ACAN: variants seen among roughly 807,000 people sequenced by gnomAD.
ACAN encodes aggrecan core protein.
ACAN carries 47 observed loss-of-function variants against 169.1 expected under a neutral mutation model. That is an observed-to-expected ratio of 0.28 (90% CI 0.22 to 0.35). The LOEUF (loss-of-function observed/expected upper bound fraction) is 0.35, where lower values mean the gene tolerates loss of function less well. ACAN is among the 10% of genes least tolerant of loss of function. The pLI, the probability that ACAN is intolerant of heterozygous loss-of-function variation, is 1.00. For missense variants in ACAN, 2,716 were observed against 2,759.9 expected (o/e 0.98, Z 0.36); for synonymous variants, 1,115 against 1,112.2 (o/e 1.00, Z -0.05).
In ACAN at chr15:88,840,191, G is replaced by T; in HGVS notation, c.629+5G>T. 1 of 1,587,284 alleles carries T rather than the reference G, an allele frequency of 6.3e-7. No homozygotes were observed. On this transcript the variant is annotated splice_donor_5th_base_variant and intron_variant, in intron 4 of 18. Transcript: ENST00000560601. Reference sequence around the variant, plus strand: ...GCTGGCTGACCAGACTGTCAGGTGAGCCCTAGCCCATCAGCTAGTGGGGGC... The same window carrying T: ...GCTGGCTGACCAGACTGTCAGGTGATCCCTAGCCCATCAGCTAGTGGGGGC...
intron 1 of ACAN, among the ~76,000 whole-genome samples, chr15:88,823,105 G>A (rs193117944): frequency 4.3e-4 from 65 of 152,328 alleles, no homozygotes; most frequent in African/African-American, 1.3e-3. Flanking sequence ...CACACAGGGA[G>A]GCTACTGAAG....
In ACAN at chr15:88,814,782, G is replaced by A. The variant is rs1895899232; in HGVS notation, c.-8+10973G>A. Reference sequence around the variant, plus strand: ...GAACTCCTCTTCAGGTGTCATAGCTGCTAGCCAGCATGTCCATGCTATCAG... The same window carrying A: ...GAACTCCTCTTCAGGTGTCATAGCTACTAGCCAGCATGTCCATGCTATCAG... On this transcript the variant is annotated intron_variant, in intron 1 of 18. Transcript: ENST00000560601. This position sits in a 1 kb window ranked among gnomAD's most constrained non-coding sequence, Gnocchi z 4.0. Among the ~76,000 whole-genome samples the A allele has an allele frequency of 6.6e-6, 1 of 152,200 alleles. No homozygotes were observed. Among genetic ancestry groups the A allele is most frequent in the Non-Finnish European group, 1.5e-5 (1 of 68,036 alleles).
chr15:88,803,873 C>T (rs1197179012), intron 1 of ACAN, 64 bp downstream of exon 1: 1 of 152,406 alleles, frequency 6.6e-6, no homozygotes, highest in Non-Finnish European at 1.5e-5. Context: ...AGGAACGGGA[C>T]TGAGACTGCA....
intron 1 of ACAN, among the ~76,000 whole-genome samples, chr15:88,833,720 T>G: frequency 9.9e-6 from 1 of 100,518 alleles, no homozygotes. Context: ...TCCACCCCTA[T>G]CCCCCTACCC....
rs1255723445 is a variant in ACAN, at chr15:88,872,839, T to C, written c.7303-42T>C. Reference sequence around the variant, plus strand: ...ACAGTCGGAGCAGGCCAACCCGCACTGTCCTGCCCTCTCCTTACTCCTTCC... The same window carrying C: ...ACAGTCGGAGCAGGCCAACCCGCACCGTCCTGCCCTCTCCTTACTCCTTCC... On this transcript the variant is annotated intron_variant, in intron 16 of 18. Coordinates refer to ENST00000560601, the MANE Select transcript of ACAN (RefSeq NM_001369268.1). This position sits in a 1 kb window ranked among gnomAD's most constrained non-coding sequence, Gnocchi z 5.4. The C allele has an allele frequency of 1.2e-6, 2 of 1,606,754 alleles. No homozygotes were observed. Among genetic ancestry groups the C allele is most frequent in the Admixed American group, 1.7e-5 (1 of 59,722 alleles).
Position 88,843,791 on chromosome 15 carries a change from C to A in ACAN, c.1051+143C>A. On this transcript the variant is annotated intron_variant, in intron 6 of 18. Transcript: ENST00000560601. The surrounding 1 kb of genome is among the most constrained non-coding windows in gnomAD (Gnocchi z 4.0). The stretch of plus-strand genomic sequence containing the variant: ...CTGAACCCCATGTTTTTAGGACACC[C>A]CTCCATTTTCACTGGTTCCTAGGAA... 9.7e-7 allele frequency: 1 copy of A among 1,029,402 alleles called. No individual in the cohort carries two copies. The highest frequency in any genetic ancestry group is 1.4e-6 in the Non-Finnish European group (1 of 736,454). 63.8% of individuals were successfully genotyped at this position (1,029,402 alleles called of 1,614,324 possible).
intron 13 of ACAN, among the ~76,000 whole-genome samples, chr15:88,867,582 T>A (rs1420001786): frequency 1.3e-5 from 2 of 152,140 alleles, no homozygotes; most frequent in Non-Finnish European, 2.9e-5. Context: ...TTATAAGAGA[T>A]TCTAAAATAA....
In ACAN at chr15:88,845,694, C is replaced by T; in HGVS notation, c.1241C>T (p.Pro414Leu). 6.2e-7 allele frequency: 1 copy of T among 1,614,024 alleles called. No homozygotes were observed. The highest frequency in any genetic ancestry group is 8.5e-7 in the Non-Finnish European group (1 of 1,179,908). ...GAGGTCTCCCCCAGTCCCCTGGAACCCGAGGAGCCCTTCACGTTTGCCCCT... is the reference window on the plus strand; with the variant it reads ...GAGGTCTCCCCCAGTCCCCTGGAACTCGAGGAGCCCTTCACGTTTGCCCCT... ...IFEVSPSPLE[P>L]EEPFTFAPEI... Residue 414 changes from proline to leucine, a missense_variant, in exon 7 of 19, where the codon CCC becomes CTC. Physicochemically the swap from Pro to Leu is moderately conservative, Grantham distance 98 (BLOSUM62 -3). Around this residue, in one of 3 missense-constraint regions of ACAN, gnomAD observed 1,283 missense variants for 1,281.5 expected, o/e 1.00. Transcript: ENST00000560601.
intron 1 of ACAN, among the ~76,000 whole-genome samples, chr15:88,812,837 C>T (rs1446978250): frequency 2.6e-5 from 4 of 152,118 alleles, no homozygotes; most frequent in Non-Finnish European, 4.4e-5. Flanking sequence ...TCTCACTGCA[C>T]CAAGGGGAGT....
At position 88,825,866 on chromosome 15, in the gene ACAN, A is replaced by C. The variant is rs1051421202; in HGVS notation, c.-7-10334A>C. ...CTAAAAGCTCACACAGGCCTTCGGC[A>C]AACCAAGGCCAGCTCTGTTTTTATT... On this transcript the variant is annotated intron_variant, in intron 1 of 18. Transcript: ENST00000560601. 2.6e-5 allele frequency among the ~76,000 whole-genome samples: 4 copies of C among 152,352 alleles called. No homozygotes were observed. In the South Asian group the frequency reaches 8.3e-4, roughly 32 times the overall value.
At chr15:88,825,614 G>A (rs1037582729) in intron 1 of ACAN, among the ~76,000 whole-genome samples, 3 of 152,226 alleles carry the variant, frequency 2.0e-5, no homozygotes, top group Non-Finnish European at 4.4e-5. Context: ...CTCAGAGAGA[G>A]GATGAAGAAC....
At chr15:88,859,550 C>A in intron 12 of ACAN, 133 bp downstream of exon 12, 1 of 1,225,866 alleles carries the variant, frequency 8.2e-7, no homozygotes, top group South Asian at 1.4e-5. Flanking sequence ...CAGCCTCAGG[C>A]AATAGTCTTC....
Position 88,861,923 on chromosome 15 carries a change from G to T in ACAN, c.6946+1484G>T, listed in dbSNP as rs1897201644. Among the ~76,000 whole-genome samples, 1 of 152,204 alleles carries T rather than the reference G, an allele frequency of 6.6e-6. No homozygotes were observed. Among genetic ancestry groups the T allele is most frequent in the Non-Finnish European group, 1.5e-5 (1 of 68,044 alleles). The stretch of plus-strand genomic sequence containing the variant: ...TCATGTATATTTCCACAGGGCTTTT[G>T]TTCCCACGATTTCTCCCCAGATGGC... On this transcript the variant is annotated intron_variant, in intron 13 of 18. Transcript: ENST00000560601. This position sits in a 1 kb window ranked among gnomAD's most constrained non-coding sequence, Gnocchi z 6.3.
intron 1 of ACAN, among the ~76,000 whole-genome samples, chr15:88,804,824 T>C (rs1472892975): frequency 6.6e-6 from 1 of 152,196 alleles, no homozygotes; most frequent in Non-Finnish European, 1.5e-5. Context: ...TCCAGCATGT[T>C]GACTGATGTG....
In ACAN at chr15:88,855,382, A is replaced by G. The variant is rs1441891061; in HGVS notation, c.2797A>G (p.Thr933Ala). Reference sequence around the variant, plus strand: ...GAGAATTGAGTGGCCCAGCACTCCTACGGTTGGTGAACTGCCCTCTGGAGC... The same window carrying G: ...GAGAATTGAGTGGCCCAGCACTCCTGCGGTTGGTGAACTGCCCTCTGGAGC... ...EERIEWPSTPTVGELPSGAEI... is the reference protein window; with the variant it reads ...EERIEWPSTPAVGELPSGAEI... The change falls in exon 12 of 19, where the codon ACG becomes GCG. Residue 933 changes from threonine to alanine, a missense_variant. Coordinates refer to ENST00000560601, the MANE Select transcript of ACAN (RefSeq NM_001369268.1). 4 of 1,613,042 alleles carry G rather than the reference A, an allele frequency of 2.5e-6. No homozygotes were observed. The highest frequency in any genetic ancestry group is 3.4e-6 in the Non-Finnish European group (4 of 1,179,406).
chr15:88,813,895 C>G (rs1040403821), intron 1 of ACAN, among the ~76,000 whole-genome samples: 1 of 152,236 alleles, frequency 6.6e-6, no homozygotes, highest in Non-Finnish European at 1.5e-5. Flanking sequence ...CTGTCCTCTC[C>G]AGCTCCATGC....
chr15:88,845,169 A>G lies in ACAN; in HGVS notation c.1052-336A>G, dbSNP rs11852912. ...ATAGTTACAGCATCAGATGGTTGGT[A>G]AGGTGCTCATGAGACGAGTGAAGCA... On this transcript the variant is annotated intron_variant, in intron 6 of 18. Transcript: ENST00000560601. Among the ~76,000 whole-genome samples the G allele has an allele frequency of 0.021, 3,158 of 152,326 alleles. 101 individuals carry two copies. The highest frequency in any genetic ancestry group is 0.07 in the African/African-American group (2,914 of 41,560).
chr15:88,849,802 T>C lies in ACAN; in HGVS notation c.2026+71T>C. The stretch of plus-strand genomic sequence containing the variant: ...GGACCCCACTGGGTTCACCGGATCC[T>C]GCCACCACCCAGTATCCCATCCATC... On this transcript the variant is annotated intron_variant, in intron 10 of 18. Coordinates refer to ENST00000560601, the MANE Select transcript of ACAN (RefSeq NM_001369268.1). This position sits in a 1 kb window ranked among gnomAD's most constrained non-coding sequence, Gnocchi z 5.1. 1.3e-6 allele frequency: 2 copies of C among 1,554,406 alleles called. No homozygotes were observed. Among genetic ancestry groups the C allele is most frequent in the African/African-American group, 1.4e-5 (1 of 73,418 alleles).
chr15:88,805,531 T>A (rs1895657160), intron 1 of ACAN, among the ~76,000 whole-genome samples: 1 of 152,214 alleles, frequency 6.6e-6, no homozygotes, highest in Non-Finnish European at 1.5e-5. Context: ...TAGTTTCTAG[T>A]GCTGTGCCTG....
Sources: gnomAD v4.1 joint callset for allele counts (sites outside exome capture counted in the v4.1 genomes callset) on GRCh38, gnomAD v4.1.1 for gene constraint, gnomAD v4.1.1 regional missense constraint, Gnocchi (gnomAD v3.1) non-coding constraint, MANE v1.5 for transcripts, NCBI Gene and HGNC (gene_info 2026-07-23, HGNC 2026-07-21) for gene names.